The following CSMD1 variants were observed in gnomAD, a reference collection of about 807,000 sequenced individuals.
The protein encoded by CSMD1 is CUB and Sushi multiple domains 1.
In CSMD1, 213 loss-of-function variants were observed where a neutral mutation model predicts 417.5. The ratio of observed to expected loss-of-function variants is 0.51; its 90% CI spans 0.46 to 0.57. The LOEUF (loss-of-function observed/expected upper bound fraction) is 0.57, where lower values mean the gene tolerates loss of function less well. Among genes scored for constraint, CSMD1 ranks in the 20% least tolerant of loss-of-function variants. The probability of loss-of-function intolerance (pLI) is 0.00; values close to 1 mark genes in which losing one functional copy is unlikely to be tolerated. For synonymous variants in CSMD1, 2,862 were observed against 1,736.8 expected (o/e 1.65, Z -16.11); for missense variants, 6,923 against 4,529.7 (o/e 1.53, Z -15.17).
At chr8:4,983,570 T>C (rs1811011409) in intron 1 of CSMD1, among the ~76,000 whole-genome samples, 1 of 152,182 alleles carries the variant, frequency 6.6e-6, no homozygotes, top group South Asian at 2.1e-4. Flanking sequence ...TCGCCCAGGC[T>C]GGAAGGCAGT....
intron 3 of CSMD1, among the ~76,000 whole-genome samples, chr8:4,032,314 A>C (rs900446387): frequency 6.6e-5 from 10 of 152,342 alleles, no homozygotes; most frequent in South Asian, 2.1e-4. Flanking sequence ...ATAAAGTGTA[A>C]ATAAATGCAT....
chr8:3,156,986 C>CAAAA (rs869173951), intron 39 of CSMD1, among the ~76,000 whole-genome samples: 18 of 64,348 alleles, frequency 2.8e-4, no homozygotes, highest in African/African-American at 4.7e-4. Context: ...GTTGTTTAGA[C>CAAAA]AAAAAAAAAA....
At chr8:3,729,689 G>A (rs1056104240) in intron 6 of CSMD1, among the ~76,000 whole-genome samples, 3 of 127,890 alleles carry the variant, frequency 2.3e-5, no homozygotes, top group South Asian at 2.5e-4. Context: ...GATGAAACTC[G>A]CCTCTTCTTC....
chr8:4,361,989 T>C (rs182583802), intron 3 of CSMD1, among the ~76,000 whole-genome samples: 307 of 151,882 alleles, frequency 2.0e-3, no homozygotes, highest in African/African-American at 7.0e-3. Context: ...AATAAATAAA[T>C]AAAGTTTCCT....
chr8:4,075,711 A>G (rs567497055), intron 3 of CSMD1, among the ~76,000 whole-genome samples: 8 of 152,280 alleles, frequency 5.3e-5, no homozygotes, highest in East Asian at 1.9e-4. Flanking sequence ...AAAATTGTCA[A>G]TGTAGAAACG....
At chr8:3,836,577 G>C (rs1802720926) in intron 5 of CSMD1, among the ~76,000 whole-genome samples, 2 of 152,068 alleles carry the variant, frequency 1.3e-5, no homozygotes, top group South Asian at 2.1e-4. Flanking sequence ...TTGAAGCTTG[G>C]TCTTTGAAGC....
intron 1 of CSMD1, among the ~76,000 whole-genome samples, chr8:4,936,992 C>T (rs912740256): frequency 2.0e-5 from 3 of 152,110 alleles, no homozygotes; most frequent in African/African-American, 7.2e-5. Context: ...TGGAGGATAC[C>T]TTGAGGTCAG....
At chr8:4,192,532 C>G (rs1799089625) in intron 3 of CSMD1, among the ~76,000 whole-genome samples, 1 of 152,124 alleles carries the variant, frequency 6.6e-6, no homozygotes, top group East Asian at 1.9e-4. Context: ...GACCTTTCAG[C>G]AACAGGGGCT....
At position 3,699,073 on chromosome 8, in the gene CSMD1, A is replaced by AT. The variant is rs139703725; in HGVS notation, c.1009+9340dup. ...AGCACTCTGCAGAAAGGCAGCATGC[A>AT]TTCGCTGAAATTCTTCAAATGACCT... On this transcript the variant is annotated intron_variant, in intron 7 of 69. Transcript: ENST00000635120. 5.9e-3 allele frequency among the ~76,000 whole-genome samples: 904 copies of AT among 152,344 alleles called. 11 individuals carry two copies. The highest frequency in any genetic ancestry group is 0.017 in the African/African-American group (726 of 41,590).
chr8:4,419,831 A>G lies in CSMD1; in HGVS notation c.415+122T>C, dbSNP rs1658817. 3,684 of 643,770 alleles carry G rather than the reference A, an allele frequency of 5.7e-3. 103 individuals are homozygous for G. The African/African-American group carries it at 0.058, about 10-fold the overall frequency. The allele number at this position is 643,770 out of a possible 1,614,324, so 39.9% of individuals were successfully genotyped here. A position where few individuals can be genotyped will look rare whatever the true frequency, so the allele number is the denominator to read the frequency against. ...ATGCCATTGCATTACACAGAAGCCA[A>G]ATGTCTACACCACGGAACGACCTGC... is the stretch of plus-strand genomic sequence containing the variant. On this transcript the variant is annotated intron_variant, in intron 3 of 69. Coordinates refer to ENST00000635120, the MANE Select transcript of CSMD1 (RefSeq NM_033225.6).
At chr8:4,072,878 C>T (rs1799631258) in intron 3 of CSMD1, among the ~76,000 whole-genome samples, 1 of 152,162 alleles carries the variant, frequency 6.6e-6, no homozygotes. Flanking sequence ...AACCCAACCT[C>T]TATGTACAGT....
intron 1 of CSMD1, among the ~76,000 whole-genome samples, chr8:4,796,340 A>G (rs1251043085): frequency 1.3e-5 from 2 of 152,136 alleles, no homozygotes; most frequent in Non-Finnish European, 2.9e-5. Context: ...GATGATCTTC[A>G]CATATCCTCA....
Position 4,578,332 on chromosome 8 carries a change from A to ATTTTTTTTTTTTTTTTTTTT in CSMD1, c.302+58990_302+59009dup, listed in dbSNP as rs1172600205. Among the ~76,000 whole-genome samples, 20 of 48,762 alleles carry ATTTTTTTTTTTTTTTTTTTT rather than the reference A, an allele frequency of 4.1e-4. 1 individual carries two copies. The highest frequency in any genetic ancestry group is 1.5e-3 in the African/African-American group (20 of 13,094). The allele number at this position is 48,762 out of a possible 152,430, so 32.0% of individuals were successfully genotyped here. On this transcript the variant is annotated intron_variant, in intron 2 of 69. Transcript: ENST00000635120. ...AGGCACCTGCCACGACACCCGGCTC[A>ATTTTTTTTTTTTTTTTTTTT]TTTTTTTTTTTTTTTTTTTTTTTTT...
intron 8 of CSMD1, among the ~76,000 whole-genome samples, chr8:3,606,908 C>T (rs1047669826): frequency 6.6e-6 from 1 of 151,934 alleles, no homozygotes; most frequent in East Asian, 1.9e-4. Flanking sequence ...GACAGGGTTT[C>T]ACCATGTTGG....
chr8:4,055,785 T>A (rs1798659663), intron 3 of CSMD1, among the ~76,000 whole-genome samples: 1 of 152,142 alleles, frequency 6.6e-6, no homozygotes, highest in Admixed American at 6.6e-5. Flanking sequence ...ACAAGACTCT[T>A]CAGCACTTCA....
intron 10 of CSMD1, among the ~76,000 whole-genome samples, chr8:3,560,290 A>C (rs999795992): frequency 6.6e-6 from 1 of 152,186 alleles, no homozygotes; most frequent in Non-Finnish European, 1.5e-5. Context: ...TTCCACATGC[A>C]TCATTTCTCT....
At chr8:4,611,788 C>G (rs946295094) in intron 2 of CSMD1, among the ~76,000 whole-genome samples, 1 of 152,158 alleles carries the variant, frequency 6.6e-6, no homozygotes, top group Non-Finnish European at 1.5e-5. Flanking sequence ...CAGTGTTCCT[C>G]TCCTGCTTTG....
chr8:2,954,760 C>G (rs935960562), intron 64 of CSMD1, among the ~76,000 whole-genome samples: 1 of 152,180 alleles, frequency 6.6e-6, no homozygotes, highest in African/African-American at 2.4e-5. Flanking sequence ...GTCATAATTT[C>G]TTAGCTTTCA....
chr8:4,652,875 T>C (rs543811828), intron 1 of CSMD1, among the ~76,000 whole-genome samples: 16 of 152,186 alleles, frequency 1.1e-4, no homozygotes, highest in African/African-American at 3.6e-4. Flanking sequence ...ATAGGGTTCA[T>C]GCTCCTGTAA....
Sources: allele counts gnomAD v4.1 joint callset (sites outside exome capture counted in the v4.1 genomes callset), GRCh38; gene constraint gnomAD v4.1.1; transcripts MANE v1.5; gene names NCBI Gene and HGNC (gene_info 2026-07-23, HGNC 2026-07-21).